The following CBLN2 variants were observed in gnomAD, a reference collection of about 807,000 sequenced individuals.
CBLN2 encodes cerebellin 2 precursor.
In CBLN2, 7 loss-of-function variants were observed where a neutral mutation model predicts 15.0. The observed-to-expected ratio is 0.47, with a 90% confidence interval of 0.27 to 0.88. CBLN2 has a LOEUF of 0.88. Ranked by LOEUF, CBLN2 falls within the 40% of genes least tolerant of loss-of-function variation. The pLI is 0.14. For synonymous variants in CBLN2, 149 were observed against 135.2 expected (o/e 1.10, Z -0.71); for missense variants, 242 against 304.5 (o/e 0.79, Z 1.53).
upstream of CBLN2, among the ~76,000 whole-genome samples, chr18:72,546,456 G>A (rs913315342): frequency 6.7e-6 from 1 of 149,648 alleles, no homozygotes; most frequent in African/African-American, 2.5e-5. Context: ...AAAAAAAAAA[G>A]ATATTTAAGT....
chr18:72,548,889 G>A (rs1457245833), upstream of CBLN2, among the ~76,000 whole-genome samples: 1 of 152,184 alleles, frequency 6.6e-6, no homozygotes, highest in Non-Finnish European at 1.5e-5. Context: ...AATTGAGGAA[G>A]GGGATCCAAA....
At chr18:72,545,001 T>TAATA (rs1316561657), upstream of CBLN2, among the ~76,000 whole-genome samples, 2 of 151,500 alleles carry the variant, frequency 1.3e-5, no homozygotes, top group African/African-American at 4.8e-5. Flanking sequence ...ATAATAATAA[T>TAATA]AAAGTTAGCC....
chr18:72,557,333 G>A (rs913627942), intron 1 of CBLN2, among the ~76,000 whole-genome samples: 4 of 152,028 alleles, frequency 2.6e-5, no homozygotes, highest in Admixed American at 6.6e-5. Context: ...GAACAGTGTG[G>A]CAATGAACAT....
At chr18:72,630,363 A>G (rs558136926) in intron 1 of CBLN2, among the ~76,000 whole-genome samples, 1 of 152,074 alleles carries the variant, frequency 6.6e-6, no homozygotes, top group Non-Finnish European at 1.5e-5. Flanking sequence ...TCACTTGTCT[A>G]TCTCTTTCAT....
chr18:72,549,996 A>G (rs1052434087), intron 1 of CBLN2, among the ~76,000 whole-genome samples: 6 of 152,182 alleles, frequency 3.9e-5, no homozygotes, highest in Non-Finnish European at 8.8e-5. Flanking sequence ...TTATATTTGG[A>G]TCTGCTAAAA....
intron 1 of CBLN2, among the ~76,000 whole-genome samples, chr18:72,597,402 C>T (rs2069519937): frequency 6.6e-6 from 1 of 152,246 alleles, no homozygotes; most frequent in African/African-American, 2.4e-5. Context: ...CAGAGTCTCT[C>T]ATTCTGTGCT....
intron 1 of CBLN2, chr18:72,618,880 C>T: frequency 1.4e-6 from 1 of 727,234 alleles, no homozygotes; most frequent in Admixed American, 1.7e-5. Context: ...TAGCGGTGGT[C>T]ATGGAGGTGG....
chr18:72,561,303 A>G (rs1000859402), intron 1 of CBLN2, among the ~76,000 whole-genome samples: 2 of 151,934 alleles, frequency 1.3e-5, no homozygotes, highest in African/African-American at 4.8e-5. Flanking sequence ...GAATATGAGA[A>G]GTTAATTTTC....
At chr18:72,617,377 T>G (rs1568133237) in intron 1 of CBLN2, among the ~76,000 whole-genome samples, 1 of 152,166 alleles carries the variant, frequency 6.6e-6, no homozygotes, top group Non-Finnish European at 1.5e-5. Context: ...AAAATGTAAA[T>G]GTGTATGCTA....
rs2069217570 is a variant in CBLN2 at position 72,555,170 on chromosome 18, GA to G, written c.16-16399del. On this transcript the variant is annotated intron_variant, in intron 1 of 2. Coordinates refer to the CBLN2 transcript ENST00000581073. ...AAAGAAAAACACAGAGAGAGAGAGAGAGAGGGAAAAAAAAGCAAATAACTGA... is the reference window on the plus strand; with the variant it reads ...AAAGAAAAACACAGAGAGAGAGAGAGGAGGGAAAAAAAAGCAAATAACTGA... 2.0e-5 allele frequency among the ~76,000 whole-genome samples: 3 copies of G among 151,534 alleles called. No individual in the cohort carries two copies. The South Asian group carries it at 6.3e-4, about 32-fold the overall frequency.
intron 1 of CBLN2, chr18:72,625,239 C>T (rs559709389): frequency 5.9e-5 from 9 of 152,218 alleles, no homozygotes; most frequent in African/African-American, 1.2e-4. Flanking sequence ...AAACAACCGC[C>T]GGCTGAGCCA....
intron 1 of CBLN2, among the ~76,000 whole-genome samples, chr18:72,550,693 G>A (rs1178137756): frequency 1.3e-5 from 2 of 151,772 alleles, no homozygotes; most frequent in Admixed American, 1.3e-4. Flanking sequence ...ATTTGAAAGA[G>A]AAATTTTCTT....
chr18:72,569,647 C>T (rs2069317783), intron 1 of CBLN2, among the ~76,000 whole-genome samples: 1 of 152,014 alleles, frequency 6.6e-6, no homozygotes, highest in Non-Finnish European at 1.5e-5. Flanking sequence ...GGGGATCAGG[C>T]CCCACACATG....
chr18:72,572,808 T>C (rs983347115), intron 1 of CBLN2, among the ~76,000 whole-genome samples: 9 of 152,058 alleles, frequency 5.9e-5, no homozygotes, highest in Admixed American at 3.9e-4. Flanking sequence ...TTAACAAGTT[T>C]TATGTGTTCA....
In CBLN2 at chr18:72,565,306, T is replaced by C. The variant is rs543506145; in HGVS notation, c.16-26534A>G. ...TTATGGTAGTACTACCATTACAGTA[T>C]TTAATATTATTACTGTATAATATAT... On this transcript the variant is annotated intron_variant, in intron 1 of 2. Coordinates refer to the CBLN2 transcript ENST00000581073. Among the ~76,000 whole-genome samples, 208 of 152,262 alleles carry C rather than the reference T, an allele frequency of 1.4e-3. 1 individual carries two copies. The highest frequency in any genetic ancestry group is 2.6e-3 in the Non-Finnish European group (180 of 67,998).
intron 1 of CBLN2, among the ~76,000 whole-genome samples, chr18:72,634,261 A>T (rs2069797205): frequency 6.6e-6 from 1 of 152,046 alleles, no homozygotes; most frequent in East Asian, 1.9e-4. Flanking sequence ...AAGTTTGTAG[A>T]AAGATATTAC....
intron 1 of CBLN2, among the ~76,000 whole-genome samples, chr18:72,587,703 T>C (rs1402556761): frequency 6.6e-6 from 1 of 152,194 alleles, no homozygotes; most frequent in Non-Finnish European, 1.5e-5. Context: ...ATTTAAATTA[T>C]GTAGAACTGA....
At chr18:72,612,574 A>G (rs2069629639) in intron 1 of CBLN2, among the ~76,000 whole-genome samples, 2 of 151,744 alleles carry the variant, frequency 1.3e-5, no homozygotes, top group Non-Finnish European at 2.9e-5. Context: ...TCTGTACTTA[A>G]TGTCTTCCTC....
chr18:72,600,519 C>T (rs764082567), intron 1 of CBLN2, among the ~76,000 whole-genome samples: 1 of 152,104 alleles, frequency 6.6e-6, no homozygotes, highest in Non-Finnish European at 1.5e-5. Flanking sequence ...TTTCCTTTTG[C>T]AGACAGAGTC....
Sources: allele counts gnomAD v4.1 joint callset (sites outside exome capture counted in the v4.1 genomes callset), GRCh38; gene constraint gnomAD v4.1.1; transcripts MANE v1.5; gene names NCBI Gene and HGNC (gene_info 2026-07-23, HGNC 2026-07-21).